PALS1: variants seen among roughly 807,000 people sequenced by gnomAD.
The protein encoded by PALS1 is protein associated with LIN7 1, MAGUK p55 family member.
Under a neutral mutation model 78.9 loss-of-function variants are expected in PALS1, and 31 were observed. The ratio of observed to expected loss-of-function variants is 0.39; its 90% CI spans 0.30 to 0.53. PALS1 has a LOEUF of 0.53. PALS1 is among the 20% of genes least tolerant of loss of function. The pLI is 0.67. For missense variants in PALS1, 704 were observed against 826.5 expected (o/e 0.85, Z 1.82); for synonymous variants, 276 against 270.9 (o/e 1.02, Z -0.18).
At chr14:67,275,665 T>A (rs555501999) in intron 2 of PALS1, among the ~76,000 whole-genome samples, 310 of 152,354 alleles carry the variant, frequency 2.0e-3, no homozygotes, top group African/African-American at 7.0e-3. Flanking sequence ...TGCCTCTTTT[T>A]CTATTGATTG....
Position 67,333,638 on chromosome 14 carries a change from C to CTACT in PALS1, c.*685_*688dup, listed in dbSNP as rs1448440207. ...GACTCTACACTCAACACACTCTAAT[C>CTACT]TACTTAAAGGTATACAAAATATGCT... On this transcript the variant is annotated 3_prime_UTR_variant, in exon 15 of 15. Coordinates refer to ENST00000261681, the MANE Select transcript of PALS1 (RefSeq NM_022474.4). 2 of 152,594 alleles carry CTACT rather than the reference C, an allele frequency of 1.3e-5. No homozygotes were observed. The highest frequency in any genetic ancestry group is 2.4e-5 in the African/African-American group (1 of 41,438). 9.5% of individuals were successfully genotyped at this position (152,594 alleles called of 1,614,324 possible).
At chr14:67,280,206 C>T (rs112120005) in intron 3 of PALS1, among the ~76,000 whole-genome samples, 1,886 of 152,262 alleles carry the variant, frequency 0.012, 37 homozygotes, top group African/African-American at 0.041. Context: ...TGTGAATCTA[C>T]AAGAGAGATT....
chr14:67,273,117 C>T (rs1567513266), intron 2 of PALS1, among the ~76,000 whole-genome samples: 18 of 143,036 alleles, frequency 1.3e-4, no homozygotes, highest in African/African-American at 4.1e-4. Context: ...ATATTTCTTT[C>T]TTTTTTTTTT....
chr14:67,267,548 G>A (rs2084348466), intron 1 of PALS1, among the ~76,000 whole-genome samples: 1 of 152,152 alleles, frequency 6.6e-6, no homozygotes, highest in South Asian at 2.1e-4. Flanking sequence ...ACTGCACCCA[G>A]CAAAATTCAG....
chr14:67,246,194 T>G (rs1424724011), intron 1 of PALS1, among the ~76,000 whole-genome samples: 1 of 152,108 alleles, frequency 6.6e-6, no homozygotes, highest in South Asian at 2.1e-4. Context: ...CAGGCTGGAG[T>G]GCAGTGGTGT....
At chr14:67,267,281 G>A (rs968945382) in intron 1 of PALS1, among the ~76,000 whole-genome samples, 1 of 151,784 alleles carries the variant, frequency 6.6e-6, no homozygotes, top group African/African-American at 2.4e-5. Context: ...TTAATGAGAC[G>A]GAATTTCACT....
chr14:67,279,637 A>G, intron 3 of PALS1, 100 bp downstream of exon 3: 1 of 1,201,834 alleles, frequency 8.3e-7, no homozygotes, highest in Non-Finnish European at 1.1e-6. Flanking sequence ...AATGTAAGTA[A>G]TGACAGTTTG....
chr14:67,302,675 T>A (rs1212619224), intron 7 of PALS1, 104 bp downstream of exon 7: 1 of 905,812 alleles, frequency 1.1e-6, no homozygotes, highest in Non-Finnish European at 1.5e-6. Flanking sequence ...ACTAGATGAT[T>A]TCTAGCCTGA....
At chr14:67,293,528 A>ATT (rs1489909359) in intron 4 of PALS1, among the ~76,000 whole-genome samples, 5 of 152,108 alleles carry the variant, frequency 3.3e-5, no homozygotes, top group African/African-American at 4.8e-5. Flanking sequence ...TTAGCACATA[A>ATT]TTGTCCCCAA....
chr14:67,297,252 G>A (rs2084870180), intron 4 of PALS1, among the ~76,000 whole-genome samples: 1 of 152,194 alleles, frequency 6.6e-6, no homozygotes, highest in South Asian at 2.1e-4. Context: ...ACCAGTCAGT[G>A]CAATAAAACA....
intron 1 of PALS1, among the ~76,000 whole-genome samples, chr14:67,265,567 A>G (rs559358783): frequency 7.2e-4 from 110 of 152,150 alleles, no homozygotes; most frequent in African/African-American, 2.6e-3. Flanking sequence ...TTTAAAAGAA[A>G]AATAAAAAAG....
At chr14:67,292,193 T>A (rs2084782292) in intron 3 of PALS1, among the ~76,000 whole-genome samples, 1 of 152,204 alleles carries the variant, frequency 6.6e-6, no homozygotes, top group Non-Finnish European at 1.5e-5. Context: ...AGAAAAAATA[T>A]TTCTAGGTGA....
At chr14:67,292,377 C>CA in intron 3 of PALS1, 134 bp from the exon 4 acceptor site, 1 of 598,292 alleles carries the variant, frequency 1.7e-6, no homozygotes, top group Non-Finnish European at 3.0e-6. Context: ...CCATGATTGA[C>CA]AATAATATAT....
intron 4 of PALS1, among the ~76,000 whole-genome samples, chr14:67,299,521 A>C (rs2084903318): frequency 6.6e-6 from 1 of 152,208 alleles, no homozygotes; most frequent in Admixed American, 6.5e-5. Flanking sequence ...AACAAGGAAA[A>C]GTGGTATAGC....
At chr14:67,302,175 CAA>C in intron 6 of PALS1, 57 bp downstream of exon 6, 1 of 1,498,690 alleles carries the variant, frequency 6.7e-7, no homozygotes, top group South Asian at 1.4e-5. Flanking sequence ...TTGTGTGCTT[CAA>C]AAGTCTGGTT....
At chr14:67,273,850 T>A (rs929010870) in intron 2 of PALS1, among the ~76,000 whole-genome samples, 2 of 152,164 alleles carry the variant, frequency 1.3e-5, no homozygotes, top group South Asian at 4.1e-4. Flanking sequence ...TGTGGTTTTG[T>A]TTTGCATTTC....
chr14:67,266,517 G>C (rs1248990617), intron 1 of PALS1, among the ~76,000 whole-genome samples: 1 of 151,888 alleles, frequency 6.6e-6, no homozygotes, highest in African/African-American at 2.4e-5. Flanking sequence ...GTAGAGACAG[G>C]GTTTCACCAT....
intron 13 of PALS1, 87 bp from the exon 14 acceptor site, chr14:67,323,615 A>AATATATATATATATATATATATATATAT (rs150511527): frequency 6.1e-5 from 16 of 260,312 alleles, no homozygotes; most frequent in Middle Eastern, 1.4e-3. Flanking sequence ...CCCTTAATCT[A>AATATATATATATATATATATATATATAT]ATATATATAT....
intron 5 of PALS1, 56 bp from the exon 6 acceptor site, chr14:67,301,912 ATCAC>A: frequency 6.6e-7 from 1 of 1,524,288 alleles, no homozygotes; most frequent in Non-Finnish European, 8.8e-7. Context: ...TAGGTTAAAA[ATCAC>A]TCTGCAGAAA....
Sources: gnomAD v4.1 joint callset for allele counts (sites outside exome capture counted in the v4.1 genomes callset) on GRCh38, gnomAD v4.1.1 for gene constraint, MANE v1.5 for transcripts, NCBI Gene and HGNC (gene_info 2026-07-23, HGNC 2026-07-21) for gene names.